SH3GL2: variants seen among roughly 807,000 people sequenced by gnomAD.
SH3GL2 encodes endophilin-A1.
In SH3GL2, 24 loss-of-function variants were observed where a neutral mutation model predicts 46.0. That is an observed-to-expected ratio of 0.52 (90% confidence interval 0.38 to 0.73). The LOEUF is 0.73. SH3GL2 is among the 30% of genes least tolerant of loss of function. The pLI is 0.00. For synonymous variants in SH3GL2, 196 were observed against 147.1 expected (o/e 1.33, Z -2.40); for missense variants, 413 against 424.2 (o/e 0.97, Z 0.23).
At chr9:17,791,939 G>C (rs1008022207) in intron 7 of SH3GL2, among the ~76,000 whole-genome samples, 1 of 152,212 alleles carries the variant, frequency 6.6e-6, no homozygotes, top group African/African-American at 2.4e-5. Flanking sequence ...TGTGAATGTG[G>C]CTCCGTGGAG....
intron 1 of SH3GL2, among the ~76,000 whole-genome samples, chr9:17,642,484 A>C (rs1281563263): frequency 6.6e-6 from 1 of 152,152 alleles, no homozygotes; most frequent in African/African-American, 2.4e-5. Context: ...TTATGGTTTT[A>C]GGTCTGACGT....
At chr9:17,779,797 C>A (rs1337700319) in intron 3 of SH3GL2, among the ~76,000 whole-genome samples, 1 of 152,124 alleles carries the variant, frequency 6.6e-6, no homozygotes, top group African/African-American at 2.4e-5. Flanking sequence ...CCTTTGAGCC[C>A]AAGACCGATT....
chr9:17,613,894 A>T (rs1458602737), intron 1 of SH3GL2, among the ~76,000 whole-genome samples: 5 of 152,176 alleles, frequency 3.3e-5, no homozygotes, highest in African/African-American at 1.2e-4. Context: ...AATGCCACTA[A>T]ATTACCAATG....
chr9:17,792,105 T>C (rs1824146948), intron 7 of SH3GL2, among the ~76,000 whole-genome samples: 1 of 152,230 alleles, frequency 6.6e-6, no homozygotes, highest in South Asian at 2.1e-4. Flanking sequence ...ATGGCCAGAT[T>C]AGACTCTCAC....
chr9:17,672,675 G>A (rs1820503585), intron 1 of SH3GL2, among the ~76,000 whole-genome samples: 1 of 152,088 alleles, frequency 6.6e-6, no homozygotes, highest in Non-Finnish European at 1.5e-5. Context: ...AGGAGTGATT[G>A]ATTTTATAAA....
chr9:17,615,969 T>C (rs1345988320), intron 1 of SH3GL2, among the ~76,000 whole-genome samples: 1 of 152,186 alleles, frequency 6.6e-6, no homozygotes, highest in Non-Finnish European at 1.5e-5. Context: ...TTAAAATTTG[T>C]GCTCAATGGC....
intron 3 of SH3GL2, among the ~76,000 whole-genome samples, chr9:17,779,217 G>A (rs1168047202): frequency 3.3e-5 from 5 of 152,052 alleles, no homozygotes; most frequent in African/African-American, 1.2e-4. Context: ...ATAGAGATGG[G>A]GTCCTTAAAT....
chr9:17,768,386 A>AC (rs1244660664), intron 3 of SH3GL2, among the ~76,000 whole-genome samples: 1 of 151,784 alleles, frequency 6.6e-6, no homozygotes, highest in African/African-American at 2.4e-5. Context: ...AAAAAAAAAA[A>AC]AAAAACACCA....
At chr9:17,646,408 G>T (rs1418188632) in intron 1 of SH3GL2, among the ~76,000 whole-genome samples, 4 of 152,130 alleles carry the variant, frequency 2.6e-5, no homozygotes, top group African/African-American at 9.6e-5. Flanking sequence ...GTCCAGTTTT[G>T]CTCCTTTGCT....
At chr9:17,712,940 A>C (rs1311186638) in intron 1 of SH3GL2, among the ~76,000 whole-genome samples, 1 of 149,016 alleles carries the variant, frequency 6.7e-6, no homozygotes, top group Non-Finnish European at 1.5e-5. Context: ...CCTTGTGAAC[A>C]TTCTTGCCGT....
intron 1 of SH3GL2, among the ~76,000 whole-genome samples, chr9:17,628,065 A>G (rs1225418426): frequency 6.6e-6 from 1 of 152,108 alleles, no homozygotes; most frequent in Non-Finnish European, 1.5e-5. Context: ...TTTGCAGTGT[A>G]AGGTACAAAA....
intron 1 of SH3GL2, among the ~76,000 whole-genome samples, chr9:17,588,097 C>T (rs966409531): frequency 1.3e-5 from 2 of 152,064 alleles, no homozygotes; most frequent in Non-Finnish European, 2.9e-5. Context: ...TACTTTGTTG[C>T]TCAAAGTCTT....
At chr9:17,734,599 CA>C (rs1332326292) in intron 1 of SH3GL2, among the ~76,000 whole-genome samples, 4 of 152,164 alleles carry the variant, frequency 2.6e-5, no homozygotes, top group African/African-American at 9.6e-5. Context: ...ATTATCCATA[CA>C]ATGAAATATT....
At chr9:17,704,291 A>G (rs1259015070) in intron 1 of SH3GL2, among the ~76,000 whole-genome samples, 2 of 152,148 alleles carry the variant, frequency 1.3e-5, no homozygotes, top group African/African-American at 2.4e-5. Context: ...GAAATCGGAG[A>G]TAACTCAAAG....
intron 1 of SH3GL2, among the ~76,000 whole-genome samples, chr9:17,607,995 A>C (rs1289380008): frequency 6.6e-6 from 1 of 152,130 alleles, no homozygotes; most frequent in Non-Finnish European, 1.5e-5. Context: ...GAAGAAATTC[A>C]AGATTTTCCT....
intron 1 of SH3GL2, among the ~76,000 whole-genome samples, chr9:17,738,117 G>T (rs1822394608): frequency 6.6e-6 from 1 of 152,130 alleles, no homozygotes; most frequent in Non-Finnish European, 1.5e-5. Flanking sequence ...CAGACAGCAT[G>T]TGCCTGTTTT....
intron 1 of SH3GL2, among the ~76,000 whole-genome samples, chr9:17,737,620 T>C (rs1822379166): frequency 6.6e-6 from 1 of 152,140 alleles, no homozygotes. Context: ...CTTATACTCA[T>C]TAGGGAAACT....
At chr9:17,580,354 C>T (rs1380761263) in intron 1 of SH3GL2, among the ~76,000 whole-genome samples, 1 of 152,096 alleles carries the variant, frequency 6.6e-6, no homozygotes, top group Admixed American at 6.5e-5. Flanking sequence ...CCTAGGCTAC[C>T]ACAGTGGCAG....
At chr9:17,749,837 A>G (rs1402149157) in intron 2 of SH3GL2, among the ~76,000 whole-genome samples, 2 of 152,212 alleles carry the variant, frequency 1.3e-5, no homozygotes. Flanking sequence ...TCCTCTGAGT[A>G]TGAAAGTAAG....
Sources: allele counts gnomAD v4.1 joint callset (sites outside exome capture counted in the v4.1 genomes callset), GRCh38; gene constraint gnomAD v4.1.1; transcripts MANE v1.5; gene names NCBI Gene and HGNC (gene_info 2026-07-23, HGNC 2026-07-21).